Variants in FBXL7 observed in about 807,000 individuals in gnomAD.
FBXL7 encodes the protein F-box and leucine rich repeat protein 7.
In FBXL7, 12 loss-of-function variants were observed where a neutral mutation model predicts 38.3. That is an observed-to-expected ratio of 0.31 (90% CI 0.20 to 0.51). FBXL7 has a LOEUF of 0.51. Ranked by LOEUF, FBXL7 falls within the 20% of genes least tolerant of loss-of-function variation. The pLI, the probability that FBXL7 is intolerant of heterozygous loss-of-function variation, is 0.98. For missense variants in FBXL7, 567 were observed against 676.4 expected (o/e 0.84, Z 1.79); for synonymous variants, 297 against 300.9 (o/e 0.99, Z 0.13).
chr5:15,633,881 A>T (rs575299018), intron 2 of FBXL7, among the ~76,000 whole-genome samples: 10 of 151,962 alleles, frequency 6.6e-5, no homozygotes, highest in African/African-American at 2.4e-4. Flanking sequence ...CCCAGGTCCA[A>T]GCAGTTCTCC....
In FBXL7 at chr5:15,645,881, T is replaced by G. The variant is rs894610768; in HGVS notation, c.127+29809T>G. Among the ~76,000 whole-genome samples, 4 of 152,260 alleles carry G rather than the reference T, an allele frequency of 2.6e-5. No homozygotes were observed. In the East Asian group the frequency reaches 7.7e-4, roughly 29 times the overall value. ...AAAACGACAATGTTGTTGCCTAGCCTTCCTGTCGAAGATTGAATTTTGGCT... is the reference window on the plus strand; with the variant it reads ...AAAACGACAATGTTGTTGCCTAGCCGTCCTGTCGAAGATTGAATTTTGGCT... On this transcript the variant is annotated intron_variant, in intron 2 of 3. Coordinates refer to ENST00000504595, the MANE Select transcript of FBXL7 (RefSeq NM_012304.5).
chr5:15,801,656 TGCGCGCGC>T (rs200772597), intron 2 of FBXL7, among the ~76,000 whole-genome samples: 1 of 146,910 alleles, frequency 6.8e-6, no homozygotes, highest in Admixed American at 6.7e-5. Context: ...TGTGTGTGTG[TGCGCGCGC>T]GCGTGTGTGT....
intron 2 of FBXL7, among the ~76,000 whole-genome samples, chr5:15,902,711 C>T (rs1741259351): frequency 6.6e-6 from 1 of 152,222 alleles, no homozygotes; most frequent in Non-Finnish European, 1.5e-5. Context: ...ATTCAGGAAG[C>T]AGCAGTAGAG....
intron 2 of FBXL7, among the ~76,000 whole-genome samples, chr5:15,706,819 G>C (rs989687343): frequency 1.3e-5 from 2 of 152,136 alleles, no homozygotes; most frequent in Non-Finnish European, 2.9e-5. Context: ...GTTGGGAAGA[G>C]ACAAATCTGG....
intron 2 of FBXL7, among the ~76,000 whole-genome samples, chr5:15,920,813 G>A (rs970971780): frequency 6.6e-6 from 1 of 152,028 alleles, no homozygotes; most frequent in East Asian, 1.9e-4. Context: ...GAGGCACCAC[G>A]CTCAGCCTCT....
chr5:15,926,346 T>C (rs1230123665), intron 2 of FBXL7, among the ~76,000 whole-genome samples: 1 of 148,150 alleles, frequency 6.7e-6, no homozygotes, highest in African/African-American at 2.5e-5. Context: ...TTATTAAATA[T>C]ATTATTTATA....
intron 2 of FBXL7, among the ~76,000 whole-genome samples, chr5:15,856,376 A>G (rs1739272298): frequency 1.3e-5 from 2 of 152,022 alleles, no homozygotes; most frequent in South Asian, 4.1e-4. Context: ...CCAGGGGAAA[A>G]GCACATTCTG....
intron 2 of FBXL7, among the ~76,000 whole-genome samples, chr5:15,723,583 CAT>C (rs1744262438): frequency 6.6e-6 from 1 of 152,194 alleles, no homozygotes. Context: ...ATACGCATGA[CAT>C]AGTGTTTCCA....
chr5:15,803,646 C>G (rs1737628440), intron 2 of FBXL7, among the ~76,000 whole-genome samples: 1 of 151,748 alleles, frequency 6.6e-6, no homozygotes, highest in Non-Finnish European at 1.5e-5. Context: ...TCATGCAACC[C>G]CCGATGTAAA....
intron 2 of FBXL7, among the ~76,000 whole-genome samples, chr5:15,871,128 T>C (rs1336219946): frequency 6.6e-6 from 1 of 152,176 alleles, no homozygotes; most frequent in Non-Finnish European, 1.5e-5. Flanking sequence ...GGCAGCAATA[T>C]CTGCTGTTCT....
chr5:15,525,996 C>T (rs1443621573), intron 1 of FBXL7, among the ~76,000 whole-genome samples: 1 of 152,134 alleles, frequency 6.6e-6, no homozygotes. Flanking sequence ...AAGTCACCCA[C>T]CAGAAAGTAA....
At chr5:15,870,870 G>T (rs1223693068) in intron 2 of FBXL7, among the ~76,000 whole-genome samples, 2 of 152,164 alleles carry the variant, frequency 1.3e-5, no homozygotes, top group Non-Finnish European at 2.9e-5. Context: ...GGAAGGGGCG[G>T]CTGTGGGCAC....
At chr5:15,874,436 GA>G (rs1345043900) in intron 2 of FBXL7, among the ~76,000 whole-genome samples, 3 of 152,126 alleles carry the variant, frequency 2.0e-5, no homozygotes, top group Non-Finnish European at 4.4e-5. Flanking sequence ...GCAAGAGAAA[GA>G]AATAAAGCAT....
intron 1 of FBXL7, among the ~76,000 whole-genome samples, chr5:15,577,548 G>GT (rs1265661952): frequency 6.6e-6 from 1 of 151,128 alleles, no homozygotes; most frequent in African/African-American, 2.4e-5. Flanking sequence ...TATTCTAGTT[G>GT]TTTTTGTTCT....
intron 2 of FBXL7, among the ~76,000 whole-genome samples, chr5:15,767,745 C>T (rs1016272014): frequency 9.9e-5 from 15 of 152,088 alleles, no homozygotes; most frequent in Non-Finnish European, 2.1e-4. Flanking sequence ...AATAATTAGA[C>T]TCCAATATCA....
At chr5:15,935,881 C>T (rs1742169202) in intron 3 of FBXL7, among the ~76,000 whole-genome samples, 1 of 152,198 alleles carries the variant, frequency 6.6e-6, no homozygotes, top group Admixed American at 6.5e-5. Context: ...TGAGAAGCAG[C>T]AACGTTAAGC....
chr5:15,773,322 T>C, intron 2 of FBXL7, among the ~76,000 whole-genome samples: 1 of 152,170 alleles, frequency 6.6e-6, no homozygotes, highest in East Asian at 1.9e-4. Flanking sequence ...CTTACTGAGT[T>C]GGGCCTCACT....
At chr5:15,832,210 G>A (rs1738476628) in intron 2 of FBXL7, among the ~76,000 whole-genome samples, 1 of 152,176 alleles carries the variant, frequency 6.6e-6, no homozygotes, top group Non-Finnish European at 1.5e-5. Context: ...TTCCCTGAGG[G>A]CAGTACATGG....
At chr5:15,694,481 T>C (rs1027661979) in intron 2 of FBXL7, among the ~76,000 whole-genome samples, 30 of 152,168 alleles carry the variant, frequency 2.0e-4, no homozygotes, top group Admixed American at 2.0e-3. Context: ...GAAGACAAGA[T>C]GCATGTAAGT....
Sources: allele counts gnomAD v4.1 joint callset (sites outside exome capture counted in the v4.1 genomes callset), GRCh38; gene constraint gnomAD v4.1.1; transcripts MANE v1.5; gene names NCBI Gene and HGNC (gene_info 2026-07-23, HGNC 2026-07-21).